ARHGEF37: variants seen among roughly 807,000 people sequenced by gnomAD.
ARHGEF37 encodes the protein Rho guanine nucleotide exchange factor (GEF) 37.
Under a neutral mutation model 71.1 loss-of-function variants are expected in ARHGEF37, and 55 were observed. That is an observed-to-expected ratio of 0.77 (90% confidence interval 0.62 to 0.97). ARHGEF37 has a LOEUF of 0.97. Ranked by LOEUF, ARHGEF37 falls within the 50% of genes least tolerant of loss-of-function variation. The pLI, the probability that ARHGEF37 is intolerant of heterozygous loss-of-function variation, is 0.00. For synonymous variants in ARHGEF37, 327 were observed against 350.6 expected, an observed-to-expected ratio of 0.93 and a Z score of 0.75; for missense variants, 765 against 836.8, an observed-to-expected ratio of 0.91 and a Z score of 1.06.
At chr5:149,581,842 G>A (rs1263020585) in intron 1 of ARHGEF37, among the ~76,000 whole-genome samples, 1 of 152,184 alleles carries the variant, frequency 6.6e-6, no homozygotes, top group Non-Finnish European at 1.5e-5. Context: ...TCGTTTTACA[G>A]GTGGGAAACT....
At chr5:149,622,295 C>T (rs1266192937) in intron 9 of ARHGEF37, among the ~76,000 whole-genome samples, 2 of 152,212 alleles carry the variant, frequency 1.3e-5, no homozygotes, top group Non-Finnish European at 2.9e-5. Flanking sequence ...TCAGACCATT[C>T]CCAAGTCCTG....
At position 149,574,904 on chromosome 5, in the gene ARHGEF37, C is replaced by T. The variant is rs143990240; in HGVS notation, c.-12+22781C>T. Among the ~76,000 whole-genome samples, 449 of 152,268 alleles carry T rather than the reference C, an allele frequency of 2.9e-3. 3 individuals carry two copies. Among genetic ancestry groups the T allele is most frequent in the African/African-American group, 9.9e-3 (411 of 41,562 alleles). ...TCTGAGTCTTTGTCTCTCCCTTGGC[C>T]GAATACTACAACTTCCTAAATGATT... is the stretch of plus-strand genomic sequence containing the variant. On this transcript the variant is annotated intron_variant, in intron 1 of 2. Coordinates refer to the ARHGEF37 transcript ENST00000505810.
chr5:149,615,358 G>C (rs981358670), intron 4 of ARHGEF37, among the ~76,000 whole-genome samples: 3 of 148,256 alleles, frequency 2.0e-5, no homozygotes, highest in Non-Finnish European at 4.5e-5. Flanking sequence ...GGCTGGTCTT[G>C]AACTCCTGGC....
At chr5:149,627,020 C>T in intron 10 of ARHGEF37, 56 bp from the exon 11 acceptor site, 2 of 1,525,564 alleles carry the variant, frequency 1.3e-6, no homozygotes, top group Non-Finnish European at 8.9e-7. Context: ...ATGTTGGTGC[C>T]AGCTTTGACA....
chr5:149,629,004 G>T, intron 12 of ARHGEF37, 38 bp downstream of exon 12: 3 of 1,591,570 alleles, frequency 1.9e-6, no homozygotes, highest in Non-Finnish European at 2.6e-6. Context: ...GCCTCCCATC[G>T]GCCATCCGGA....
intron 1 of ARHGEF37, among the ~76,000 whole-genome samples, chr5:149,584,350 T>C (rs1763177975): frequency 7.0e-6 from 1 of 143,778 alleles, no homozygotes; most frequent in East Asian, 2.0e-4. Flanking sequence ...TAAAGGGGAG[T>C]TTTTCCTCCA....
intron 10 of ARHGEF37, among the ~76,000 whole-genome samples, chr5:149,626,269 C>CAT (rs1288378676): frequency 2.2e-4 from 33 of 150,492 alleles, no homozygotes; most frequent in African/African-American, 8.0e-4. Context: ...CACACACACA[C>CAT]ACACACACAC....
At chr5:149,579,071 C>T (rs1050883142), upstream of ARHGEF37, among the ~76,000 whole-genome samples, 6 of 152,058 alleles carry the variant, frequency 3.9e-5, no homozygotes, top group Middle Eastern at 3.2e-3. Context: ...GCAGCTGCCC[C>T]GGGGAGTGTT....
chr5:149,580,124 G>C (rs1763079909), upstream of ARHGEF37, among the ~76,000 whole-genome samples: 1 of 151,456 alleles, frequency 6.6e-6, no homozygotes, highest in Non-Finnish European at 1.5e-5. Context: ...TCAGTGGCGT[G>C]ATCTCAGCTC....
chr5:149,557,817 T>C (rs1762774383), intron 1 of ARHGEF37, among the ~76,000 whole-genome samples: 1 of 152,164 alleles, frequency 6.6e-6, no homozygotes, highest in Non-Finnish European at 1.5e-5. Flanking sequence ...TTGATTCATA[T>C]AGCTTCTAGA....
chr5:149,611,201 G>GCC (rs997695177), intron 4 of ARHGEF37, among the ~76,000 whole-genome samples: 9 of 152,192 alleles, frequency 5.9e-5, no homozygotes, highest in African/African-American at 2.2e-4. Flanking sequence ...AAGTCCTAAG[G>GCC]CCAGCCCATA....
At position 149,634,335 on chromosome 5, in the gene ARHGEF37, A is replaced by C. The variant is rs748999072; in HGVS notation, c.*2144A>C. The stretch of plus-strand genomic sequence containing the variant: ...GAGCTCTGCACTAGCTAGTTCAAAC[A>C]GGCGCTTTAAAGGCAGTGTGAAAGG... On this transcript the variant is annotated 3_prime_UTR_variant, in exon 13 of 13. Transcript: ENST00000333677. 7.2e-5 allele frequency: 11 copies of C among 152,230 alleles called. No individual in the cohort carries two copies. The highest frequency in any genetic ancestry group is 1.6e-4 in the Non-Finnish European group (11 of 68,050). The allele number at this position is 152,230 out of a possible 1,614,324, so 9.4% of individuals were successfully genotyped here. A position where few individuals can be genotyped will look rare whatever the true frequency, so the allele number is the denominator to read the frequency against.
intron 8 of ARHGEF37, among the ~76,000 whole-genome samples, 156 bp from the exon 9 acceptor site, chr5:149,621,577 T>A (rs1422617026): frequency 6.6e-6 from 1 of 152,248 alleles, no homozygotes; most frequent in African/African-American, 2.4e-5. Context: ...GATGGGCAGA[T>A]TGAGGCCCAG....
intron 1 of ARHGEF37, among the ~76,000 whole-genome samples, chr5:149,572,975 A>C (rs1266892890): frequency 1.3e-5 from 2 of 152,312 alleles, no homozygotes; most frequent in East Asian, 3.9e-4. Context: ...GGTAGTTCAA[A>C]GGCGTGGCCC....
At chr5:149,591,850 T>C (rs1429318101) in intron 1 of ARHGEF37, among the ~76,000 whole-genome samples, 1 of 152,250 alleles carries the variant, frequency 6.6e-6, no homozygotes, top group African/African-American at 2.4e-5. Flanking sequence ...GTTCTAAGCA[T>C]GTTTGAAGTA....
intron 3 of ARHGEF37, among the ~76,000 whole-genome samples, chr5:149,609,327 A>G (rs1386113383): frequency 6.6e-6 from 1 of 152,212 alleles, no homozygotes; most frequent in Non-Finnish European, 1.5e-5. Context: ...TTCCTAGCCT[A>G]AGATGTATAT....
chr5:149,626,489 CA>C (rs1396310561), intron 10 of ARHGEF37, among the ~76,000 whole-genome samples: 2 of 152,156 alleles, frequency 1.3e-5, no homozygotes, highest in Admixed American at 6.5e-5. Flanking sequence ...AGCTAGATGG[CA>C]ATTTCGTCTA....
chr5:149,594,076 A>C (rs1463778214), intron 1 of ARHGEF37, among the ~76,000 whole-genome samples: 2 of 152,204 alleles, frequency 1.3e-5, no homozygotes, highest in African/African-American at 4.8e-5. Context: ...TGATCAAATA[A>C]GGGCATGATG....
chr5:149,568,316 C>T (rs996792783), intron 1 of ARHGEF37, among the ~76,000 whole-genome samples: 7 of 152,014 alleles, frequency 4.6e-5, no homozygotes, highest in African/African-American at 4.8e-5. Flanking sequence ...CATGAGCCAC[C>T]GTGCCTGGCC....
Sources: gnomAD v4.1 joint callset for allele counts (sites outside exome capture counted in the v4.1 genomes callset) on GRCh38, gnomAD v4.1.1 for gene constraint, MANE v1.5 for transcripts, NCBI Gene and HGNC (gene_info 2026-07-23, HGNC 2026-07-21) for gene names.